The following MAN2A2 variants were observed in gnomAD, a reference collection of about 807,000 sequenced individuals.
MAN2A2 encodes the protein alpha-mannosidase 2x.
In MAN2A2, 79 loss-of-function variants were observed where a neutral mutation model predicts 126.8. The ratio of observed to expected loss-of-function variants is 0.62; its 90% CI spans 0.52 to 0.75. The LOEUF (loss-of-function observed/expected upper bound fraction) is 0.75. Ranked by LOEUF, MAN2A2 falls within the 30% of genes least tolerant of loss-of-function variation. The pLI is 0.00. For synonymous variants in MAN2A2, 671 were observed against 618.7 expected (o/e 1.08, Z -1.25); for missense variants, 1,392 against 1,522.4 (o/e 0.91, Z 1.43).
In MAN2A2 at chr15:90,911,415, G is replaced by T; in HGVS notation, c.1974G>T (p.Gln658His). 1 of 1,614,248 alleles carries T rather than the reference G, an allele frequency of 6.2e-7. No individual in the cohort carries two copies. The change falls in exon 14 of 23, where the codon CAG becomes CAT. Residue 658 changes from glutamine to histidine, a missense_variant. Coordinates refer to ENST00000559717, the MANE Select transcript of MAN2A2 (RefSeq NM_006122.4). ...TGGTCCTATTCAACCCACTGGAACA[G>T]GAGCGATTCAGCATGGTGTCCCTGC... Reference protein sequence around the residue: ...RFVVLFNPLEQERFSMVSLLV... With the variant: ...RFVVLFNPLEHERFSMVSLLV...
intron 14 of MAN2A2, 62 bp downstream of exon 14, chr15:90,911,612 G>A (rs1463208742): frequency 1.5e-5 from 23 of 1,504,138 alleles, no homozygotes; most frequent in East Asian, 7.1e-5. Context: ...CTCCCCGCCC[G>A]GCGACGCCAG....
At position 90,912,587 on chromosome 15, in the gene MAN2A2, C is replaced by T. The variant is rs1321909727; in HGVS notation, c.2392C>T (p.Gln798Ter). The change falls in exon 16 of 23, where the codon CAG (glutamine) becomes TAG (stop). Residue 798 changes from glutamine to a stop codon, truncating the protein, a stop_gained. Transcript: ENST00000559717. LOFTEE classifies it high-confidence loss of function. ...DEEHEQQVDM[Q>*]VLVYGTRTSK... is the part of the protein sequence containing the mutation. ...GGAGCACGAGCAGCAGGTGGACATG[C>T]AGGTCCTTGTCTATGGCACCCGTAC... 1 of 1,614,176 alleles carries T rather than the reference C, an allele frequency of 6.2e-7. No individual in the cohort carries two copies. The highest frequency in any genetic ancestry group is 8.5e-7 in the Non-Finnish European group (1 of 1,180,028).
At chr15:90,911,669 C>T in intron 14 of MAN2A2, 119 bp downstream of exon 14, 1 of 1,182,210 alleles carries the variant, frequency 8.5e-7, no homozygotes, top group South Asian at 1.5e-5. Context: ...AGGCTGAGGA[C>T]AAGTGTCCTG....
intron 17 of MAN2A2, 125 bp downstream of exon 17, chr15:90,913,116 A>C: frequency 8.5e-7 from 1 of 1,173,594 alleles, no homozygotes. Context: ...GGGATGCTCC[A>C]TTCTCTTGGA....
In MAN2A2 at chr15:90,919,698, T is replaced by G; in HGVS notation, c.3364T>G (p.Leu1122Val). The G allele has an allele frequency of 6.2e-7, 1 of 1,614,220 alleles. No homozygotes were observed. Among genetic ancestry groups the G allele is most frequent in the African/African-American group, 1.3e-5 (1 of 75,068 alleles). ...ATTCCTTCAGCCAACCTCCTTGACG[T>G]TACTGTACCCTCTGGCCTCCCCGTC... is the stretch of plus-strand genomic sequence containing the variant. ...VVFLQPTSLT[L>V]LYPLASPSNS... The change falls in exon 23 of 23, where the codon TTA becomes GTA. Residue 1122 changes from leucine (L) to valine (V), a missense_variant. Coordinates refer to ENST00000559717, the MANE Select transcript of MAN2A2 (RefSeq NM_006122.4).
rs756313514 is a variant in MAN2A2, at chr15:90,910,328, A to T, written c.1577+36A>T. The T allele has an allele frequency of 3.7e-6, 6 of 1,607,618 alleles. No individual in the cohort carries two copies. The South Asian group carries it at 6.6e-5, about 18-fold the overall frequency. ...GTCCCCGCTTCCAGGCTGGAGGGGG[A>T]GAGTCAGCCTTTGGGGTTTAAGGAG... On this transcript the variant is annotated intron_variant, in intron 10 of 22. Transcript: ENST00000559717.
intron 8 of MAN2A2, among the ~76,000 whole-genome samples, chr15:90,908,733 A>T (rs555826345): frequency 6.6e-6 from 1 of 151,936 alleles, no homozygotes; most frequent in African/African-American, 2.4e-5. Flanking sequence ...GCACCACCAC[A>T]CCCGGCTAAT....
Position 90,912,896 on chromosome 15 carries a change from C to T in MAN2A2, c.2489C>T (p.Pro830Leu), listed in dbSNP as rs570067726. 1.2e-6 allele frequency: 2 copies of T among 1,614,000 alleles called. No individual in the cohort carries two copies. Among genetic ancestry groups the T allele is most frequent in the Non-Finnish European group, 1.7e-6 (2 of 1,179,932 alleles). Residue 830 changes from proline to leucine, a missense_variant, in exon 17 of 23, where the codon CCC becomes CTC. By Grantham distance (98) the Pro-to-Leu change is moderately conservative (BLOSUM62 -3). Coordinates refer to ENST00000559717, the MANE Select transcript of MAN2A2 (RefSeq NM_006122.4). The part of the protein sequence containing the change: ...GEAKPYVPKE[P>L]PVLRVTEGPF... ...CTCTAGCCCTACGTCCCCAAGGAGC[C>T]CCCCGTGCTGCGTGTCACTGAAGGC...
In MAN2A2 at chr15:90,912,399, C is replaced by T. The variant is rs568564795; in HGVS notation, c.2346+120C>T. On this transcript the variant is annotated intron_variant, in intron 15 of 22. Coordinates refer to ENST00000559717, the MANE Select transcript of MAN2A2 (RefSeq NM_006122.4). ...TTCTGCCACCTGACCCACAGTGGAC[C>T]GGGGCCTGGGCCATCTCAGCTCCAG... 6.9e-5 allele frequency: 108 copies of T among 1,561,100 alleles called. 1 individual carries two copies. Among genetic ancestry groups the T allele is most frequent in the South Asian group, 4.7e-4 (41 of 87,596 alleles).
rs138267989 is a variant in MAN2A2, at chr15:90,906,759, C to A, written c.855C>A (p.Gly285=). 2.6e-5 allele frequency: 42 copies of A among 1,612,928 alleles called. No individual in the cohort carries two copies. In the African/African-American group the frequency reaches 5.1e-4, roughly 19 times the overall value. The stretch of plus-strand genomic sequence containing the variant: ...GCCCAGGTGCAACCCCCCGCTCTGG[C>A]TGGGCAGTGGACCCCTTTGGATACA... The part of the protein sequence containing the change: ...ERNLGATPRS[G]WAVDPFGYSS... Residue 285 remains glycine (G), a synonymous_variant, in exon 7 of 23, where the codon GGC becomes GGA. Coordinates refer to ENST00000559717, the MANE Select transcript of MAN2A2 (RefSeq NM_006122.4).
rs929594509 is a variant in MAN2A2 at position 90,918,875 on chromosome 15, AG to A, written c.3300+126del. Reference sequence around the variant, plus strand: ...GTCACTCCAGGGCTTTCTGGAGAGAAGGGGGGAAGCTGTAGACATGTTTTCA... The same window carrying A: ...GTCACTCCAGGGCTTTCTGGAGAGAAGGGGGAAGCTGTAGACATGTTTTCA... On this transcript the variant is annotated intron_variant, in intron 22 of 22. Coordinates refer to ENST00000559717, the MANE Select transcript of MAN2A2 (RefSeq NM_006122.4). 40 of 731,494 alleles carry A rather than the reference AG, an allele frequency of 5.5e-5. No individual in the cohort carries two copies. In the Middle Eastern group the frequency reaches 9.3e-4, roughly 17 times the overall value. The allele number at this position is 731,494 out of a possible 1,614,324, so 45.3% of individuals were successfully genotyped here.
intron 19 of MAN2A2, among the ~76,000 whole-genome samples, chr15:90,914,220 C>T (rs2034997323): frequency 6.6e-6 from 1 of 152,158 alleles, no homozygotes; most frequent in Non-Finnish European, 1.5e-5. Flanking sequence ...GTCCCAGCTA[C>T]TCAGGAGACT....
rs140173111 is a variant in MAN2A2 at position 90,912,193 on chromosome 15, C to T, written c.2260C>T (p.Arg754Cys). Residue 754 changes from arginine to cysteine, a missense_variant, in exon 15 of 23, where the codon CGT becomes TGT. Physicochemically the swap from Arg to Cys is radical, Grantham distance 180 (BLOSUM62 -3). Transcript: ENST00000559717. ...CAGCAGGCACGAAGCGTTTCCTCTCCGTGTCATTGACTCTGGCACCAGCGA... is the reference window on the plus strand; with the variant it reads ...CAGCAGGCACGAAGCGTTTCCTCTCTGTGTCATTGACTCTGGCACCAGCGA... ...SVSRHEAFPL[R>C]VIDSGTSDFA... 4.3e-4 allele frequency: 688 copies of T among 1,614,044 alleles called. 4 individuals carry two copies. The highest frequency in any genetic ancestry group is 6.0e-5 in the Non-Finnish European group (71 of 1,180,032).
chr15:90,918,337 C>T lies in MAN2A2; in HGVS notation c.3138C>T (p.Ser1046=). ...TGCGCTCATTTCATCCTCTGGCTTCCTCACTGCCCTGTGACTTCCACCTGC... is the reference window on the plus strand; with the variant it reads ...TGCGCTCATTTCATCCTCTGGCTTCTTCACTGCCCTGTGACTTCCACCTGC... The part of the protein sequence containing the change: ...PGLRSFHPLA[S]SLPCDFHLLN... Residue 1046 remains serine (S), a synonymous_variant, in exon 21 of 23, where the codon TCC becomes TCT. Coordinates refer to ENST00000559717, the MANE Select transcript of MAN2A2 (RefSeq NM_006122.4). 1.9e-6 allele frequency: 3 copies of T among 1,614,196 alleles called. No homozygotes were observed. The highest frequency in any genetic ancestry group is 2.2e-5 in the South Asian group (2 of 91,084).
intron 20 of MAN2A2, 133 bp downstream of exon 20, chr15:90,916,389 G>T (rs957000154): frequency 8.6e-6 from 11 of 1,281,124 alleles, no homozygotes; most frequent in Non-Finnish European, 1.2e-5. Context: ...AATTCCTGGG[G>T]TGGGGGGAGG....
intron 20 of MAN2A2, 43 bp from the exon 21 acceptor site, chr15:90,918,151 C>A: frequency 6.3e-7 from 1 of 1,575,498 alleles, no homozygotes; most frequent in East Asian, 2.2e-5. Context: ...CTCCCCTCAG[C>A]CTGGCTTTGG....
At chr15:90,912,426 C>T in intron 15 of MAN2A2, 116 bp from the exon 16 acceptor site, 2 of 1,587,652 alleles carry the variant, frequency 1.3e-6, no homozygotes, top group Admixed American at 1.7e-5. Context: ...CAGCTCCAGC[C>T]TGACAGCATG....
Position 90,905,455 on chromosome 15 carries a change from C to G in MAN2A2, c.337C>G (p.Pro113Ala). 1 of 1,613,962 alleles carries G rather than the reference C, an allele frequency of 6.2e-7. No homozygotes were observed. Among genetic ancestry groups the G allele is most frequent in the South Asian group, 1.1e-5 (1 of 91,080 alleles). ...EPRPSFFSISPQDCQFALGGR... is the reference protein window; with the variant it reads ...EPRPSFFSISAQDCQFALGGR... ...CCGGCCCAGCTTCTTCTCCATCTCC[C>G]CGCAGGACTGCCAGTTTGCTTTGGG... The change falls in exon 3 of 23, where the codon CCG (proline) becomes GCG (alanine). Residue 113 changes from proline (P) to alanine (A), a missense_variant. Pro to Ala is a conservative substitution (Grantham distance 27, BLOSUM62 -1). Transcript: ENST00000559717.
At chr15:90,905,187 C>A in intron 2 of MAN2A2, 64 bp from the exon 3 acceptor site, 2 of 1,568,360 alleles carry the variant, frequency 1.3e-6, no homozygotes, top group East Asian at 2.2e-5. Flanking sequence ...CTGGTAGACC[C>A]CAAGCAGAGA....
Sources: gnomAD v4.1 joint callset for allele counts (sites outside exome capture counted in the v4.1 genomes callset) on GRCh38, gnomAD v4.1.1 for gene constraint, MANE v1.5 for transcripts, NCBI Gene and HGNC (gene_info 2026-07-23, HGNC 2026-07-21) for gene names.